Variants in PLXNA4 observed in about 807,000 individuals in gnomAD.
PLXNA4 encodes the protein plexin-A4.
PLXNA4 carries 44 observed loss-of-function variants against 191.8 expected under a neutral mutation model. That is an observed-to-expected ratio of 0.23 (90% CI 0.18 to 0.29). PLXNA4 has a LOEUF of 0.29. Ranked by LOEUF, PLXNA4 falls within the 10% of genes least tolerant of loss-of-function variation. The pLI is 1.00. For synonymous variants in PLXNA4, 1,082 were observed against 1,009.5 expected, an observed-to-expected ratio of 1.07 and a Z score of -1.36; for missense variants, 1,800 against 2,488.8, an observed-to-expected ratio of 0.72 and a Z score of 5.89.
intron 3 of PLXNA4, among the ~76,000 whole-genome samples, chr7:132,453,535 G>A (rs1442031406): frequency 7.0e-6 from 1 of 143,366 alleles, no homozygotes; most frequent in African/African-American, 2.5e-5. Context: ...TGCATCCTTT[G>A]CCCACAGTGA....
At chr7:132,631,685 A>G (rs537486702) in intron 2 of PLXNA4, among the ~76,000 whole-genome samples, 23 of 152,248 alleles carry the variant, frequency 1.5e-4, no homozygotes, top group South Asian at 6.2e-4. Context: ...ACTCAACTCC[A>G]TAGACCATCC....
At chr7:132,536,795 G>A (rs116971657) in intron 1 of PLXNA4, among the ~76,000 whole-genome samples, 31 of 152,326 alleles carry the variant, frequency 2.0e-4, no homozygotes, top group East Asian at 3.9e-4. Flanking sequence ...TGCCCTAAAC[G>A]TATGGCTGAC....
At chr7:132,634,457 C>T (rs933153481) in intron 2 of PLXNA4, among the ~76,000 whole-genome samples, 7 of 150,282 alleles carry the variant, frequency 4.7e-5, no homozygotes, top group African/African-American at 1.7e-4. Context: ...AGGAACACTG[C>T]CCCAGCACAC....
intron 13 of PLXNA4, among the ~76,000 whole-genome samples, chr7:132,195,450 T>A (rs1461522270): frequency 1.3e-5 from 2 of 152,196 alleles, no homozygotes; most frequent in African/African-American, 2.4e-5. Flanking sequence ...TCCTTAGGCA[T>A]TGTATAGTAG....
chr7:132,563,425 TCTCCTTCCTC>T (rs1801462863), intron 1 of PLXNA4, among the ~76,000 whole-genome samples: 1 of 58,442 alleles, frequency 1.7e-5, no homozygotes, highest in African/African-American at 7.2e-5. Context: ...TCCTCCTCCT[TCTCCTTCCTC>T]CTCCTCTTCC....
At chr7:132,373,734 T>C (rs1014931739) in intron 3 of PLXNA4, among the ~76,000 whole-genome samples, 2 of 152,122 alleles carry the variant, frequency 1.3e-5, no homozygotes, top group African/African-American at 4.8e-5. Context: ...GAGGTGCCCA[T>C]GGAAATGCAG....
chr7:132,636,853 C>T (rs1054789190), intron 2 of PLXNA4, among the ~76,000 whole-genome samples: 101 of 152,182 alleles, frequency 6.6e-4, no homozygotes, highest in African/African-American at 2.3e-3. Context: ...AGCCAACCCT[C>T]GCCTTCGCTA....
chr7:132,428,769 G>A (rs537130455), intron 3 of PLXNA4, among the ~76,000 whole-genome samples: 6 of 152,036 alleles, frequency 3.9e-5, no homozygotes, highest in African/African-American at 1.5e-4. Flanking sequence ...GTCTGCAATT[G>A]TTTCCAATCA....
chr7:132,146,507 T>C lies in PLXNA4; in HGVS notation c.5055+3A>G, dbSNP rs1476252204. ...CCCTGCACCCAGTTCTCAAGTCTGATACCTTAGTGGCCAGGAGTCGGGTCA... is the reference window on the plus strand; with the variant it reads ...CCCTGCACCCAGTTCTCAAGTCTGACACCTTAGTGGCCAGGAGTCGGGTCA... On this transcript the variant is annotated splice_donor_region_variant and intron_variant, in intron 28 of 31. Coordinates refer to ENST00000321063, the MANE Select transcript of PLXNA4 (RefSeq NM_020911.2). The C allele has an allele frequency of 1.2e-6, 2 of 1,614,164 alleles. No individual in the cohort carries two copies. The highest frequency in any genetic ancestry group is 1.3e-5 in the African/African-American group (1 of 75,026).
At chr7:132,177,615 T>G (rs1796519492) in intron 20 of PLXNA4, among the ~76,000 whole-genome samples, 1 of 152,140 alleles carries the variant, frequency 6.6e-6, no homozygotes, top group African/African-American at 2.4e-5. Flanking sequence ...GTTGGGGTGC[T>G]CGGCCCACAG....
rs554492934 is a variant in PLXNA4 at position 132,402,650 on chromosome 7, A to G, written c.1371+86642T>C. On this transcript the variant is annotated intron_variant, in intron 3 of 31. Coordinates refer to ENST00000321063, the MANE Select transcript of PLXNA4 (RefSeq NM_020911.2). ...GCTTTCTCACCTTGTAGCACTGGCC[A>G]CTGCCATCACAGGGTATGCAGAGCA... Among the ~76,000 whole-genome samples, 8 of 152,340 alleles carry G rather than the reference A, an allele frequency of 5.3e-5. No homozygotes were observed. In the South Asian group the frequency reaches 1.7e-3, roughly 32 times the overall value.
At chr7:132,588,801 G>T (rs1321627040) in intron 2 of PLXNA4, among the ~76,000 whole-genome samples, 3 of 146,006 alleles carry the variant, frequency 2.1e-5, no homozygotes, top group African/African-American at 5.1e-5. Context: ...AAAGAAGAAA[G>T]AAAGAAAGAA....
At chr7:132,324,673 C>T (rs1012564312) in intron 3 of PLXNA4, among the ~76,000 whole-genome samples, 1 of 152,146 alleles carries the variant, frequency 6.6e-6, no homozygotes. Flanking sequence ...ATTAAAAAGG[C>T]TAAGCATTGG....
chr7:132,527,797 C>T lies in PLXNA4; in HGVS notation c.-86-19018G>A, dbSNP rs73724054. On this transcript the variant is annotated intron_variant, in intron 1 of 31. Coordinates refer to ENST00000321063, the MANE Select transcript of PLXNA4 (RefSeq NM_020911.2). ...GCCCACATGCCAGACTCAACCTCCA[C>T]GCACGTGCCCACCTGATCCAATCTG... 2.3e-3 allele frequency among the ~76,000 whole-genome samples: 353 copies of T among 152,296 alleles called. 1 individual carries two copies. Among genetic ancestry groups the T allele is most frequent in the African/African-American group, 8.1e-3 (338 of 41,548 alleles).
Position 132,465,103 on chromosome 7 carries a change from T to G in PLXNA4, c.1371+24189A>C, listed in dbSNP as rs544454612. Among the ~76,000 whole-genome samples, 17 of 152,276 alleles carry G rather than the reference T, an allele frequency of 1.1e-4. 1 individual carries two copies. In the South Asian group the frequency reaches 3.5e-3, roughly 32 times the overall value. ...TCCCTCCTTTCATTCCCTCCACCACTTGCATCCCCCACTCCCCAGACCTCA... is the reference window on the plus strand; with the variant it reads ...TCCCTCCTTTCATTCCCTCCACCACGTGCATCCCCCACTCCCCAGACCTCA... On this transcript the variant is annotated intron_variant, in intron 3 of 31. Coordinates refer to ENST00000321063, the MANE Select transcript of PLXNA4 (RefSeq NM_020911.2).
chr7:132,637,931 A>T (rs1803640695), intron 2 of PLXNA4, among the ~76,000 whole-genome samples: 1 of 151,918 alleles, frequency 6.6e-6, no homozygotes, highest in Non-Finnish European at 1.5e-5. Flanking sequence ...CTTGGTTCCA[A>T]CTCCTAAATC....
At chr7:132,262,845 C>T (rs1414527435) in intron 4 of PLXNA4, among the ~76,000 whole-genome samples, 1 of 152,028 alleles carries the variant, frequency 6.6e-6, no homozygotes, top group Non-Finnish European at 1.5e-5. Flanking sequence ...TCCCTAGAGA[C>T]CACTTGTCGT....
At chr7:132,246,216 G>A (rs903351273) in intron 4 of PLXNA4, among the ~76,000 whole-genome samples, 1 of 152,212 alleles carries the variant, frequency 6.6e-6, no homozygotes, top group Non-Finnish European at 1.5e-5. Context: ...GGTCAAAGGG[G>A]AACGGCTTTT....
In PLXNA4 at chr7:132,322,723, C is replaced by T. The variant is rs138712750; in HGVS notation, c.1372-24501G>A. On this transcript the variant is annotated intron_variant, in intron 3 of 31. Transcript: ENST00000321063. ...CACTCATCTCCTCTTAAGCACCTCC[C>T]GTGCTGTATGTATTTTTAAACTATT... 1.5e-3 allele frequency among the ~76,000 whole-genome samples: 224 copies of T among 152,292 alleles called. 3 individuals are homozygous for T. The highest frequency in any genetic ancestry group is 5.1e-3 in the African/African-American group (213 of 41,560).
Sources: gnomAD v4.1 joint callset for allele counts (sites outside exome capture counted in the v4.1 genomes callset) on GRCh38, gnomAD v4.1.1 for gene constraint, MANE v1.5 for transcripts, NCBI Gene and HGNC (gene_info 2026-07-23, HGNC 2026-07-21) for gene names.